Variants in SRGAP1 observed in about 807,000 individuals in gnomAD.
The protein encoded by SRGAP1 is SLIT-ROBO Rho GTPase-activating protein 1.
Under a neutral mutation model 121.9 loss-of-function variants are expected in SRGAP1, and 43 were observed. That is an observed-to-expected ratio of 0.35 (90% confidence interval 0.28 to 0.46). The LOEUF (loss-of-function observed/expected upper bound fraction) is 0.46. SRGAP1 is among the 20% of genes least tolerant of loss of function. The pLI, the probability that SRGAP1 is intolerant of heterozygous loss-of-function variation, is 1.00. For synonymous variants in SRGAP1, 447 were observed against 485.4 expected (o/e 0.92, Z 1.04); for missense variants, 1,102 against 1,350.9 (o/e 0.82, Z 2.89).
intron 1 of SRGAP1, among the ~76,000 whole-genome samples, chr12:63,982,190 G>C (rs1467399515): frequency 6.6e-6 from 1 of 151,036 alleles, no homozygotes; most frequent in Non-Finnish European, 1.5e-5. Context: ...CAGCCTGGGA[G>C]ACAGAGCAAG....
intron 1 of SRGAP1, among the ~76,000 whole-genome samples, chr12:63,977,818 A>C (rs1226098409): frequency 6.6e-6 from 1 of 152,194 alleles, no homozygotes; most frequent in African/African-American, 2.4e-5. Context: ...AAAAAAAAAC[A>C]GTAAATTTTA....
At chr12:63,921,571 A>G (rs1046405682) in intron 1 of SRGAP1, among the ~76,000 whole-genome samples, 1 of 152,222 alleles carries the variant, frequency 6.6e-6, no homozygotes, top group Non-Finnish European at 1.5e-5. Context: ...CTCAAATGAT[A>G]CTTCCTTGGA....
intron 21 of SRGAP1, among the ~76,000 whole-genome samples, chr12:64,132,558 CT>C (rs1467662398): frequency 6.6e-6 from 1 of 152,244 alleles, no homozygotes; most frequent in Non-Finnish European, 1.5e-5. Context: ...GCAACTTATC[CT>C]TCATCTTAGA....
At chr12:63,913,783 T>C (rs538189710) in intron 1 of SRGAP1, among the ~76,000 whole-genome samples, 2 of 152,168 alleles carry the variant, frequency 1.3e-5, no homozygotes, top group South Asian at 4.1e-4. Context: ...TTAGACCTTG[T>C]ATAGCAATTT....
intron 14 of SRGAP1, among the ~76,000 whole-genome samples, chr12:64,096,799 T>G: frequency 6.6e-6 from 1 of 152,194 alleles, no homozygotes; most frequent in Non-Finnish European, 1.5e-5. Context: ...CAGTGGCACC[T>G]ATGACATTTC....
chr12:63,971,670 C>CAT (rs907685052), intron 1 of SRGAP1, among the ~76,000 whole-genome samples: 1 of 152,110 alleles, frequency 6.6e-6, no homozygotes, highest in African/African-American at 2.4e-5. Context: ...AGAGAATTAA[C>CAT]ATATCTGACA....
At chr12:63,982,210 C>CAAAACAAAAACA (rs541767212) in intron 1 of SRGAP1, among the ~76,000 whole-genome samples, 2 of 139,614 alleles carry the variant, frequency 1.4e-5, no homozygotes, top group African/African-American at 5.4e-5. Flanking sequence ...GACTCCGTCT[C>CAAAACAAAAACA]AAAACAAAAA....
Position 63,844,744 on chromosome 12 carries a change from C to T in SRGAP1, c.-73C>T. On this transcript the variant is annotated 5_prime_UTR_variant, in exon 1 of 22. Coordinates refer to ENST00000355086, the MANE Select transcript of SRGAP1 (RefSeq NM_020762.4). The surrounding 1 kb of genome is among the most constrained non-coding windows in gnomAD (Gnocchi z 4.3). ...CCTGCGTGTGGGAGTACAACTCTGC[C>T]TCTCCAAGGAGAACGGGTTGTGACC... 6.8e-7 allele frequency: 1 copy of T among 1,475,810 alleles called. No homozygotes were observed. The allele number at this position is 1,475,810 out of a possible 1,614,324, so 91.4% of individuals were successfully genotyped here.
intron 4 of SRGAP1, among the ~76,000 whole-genome samples, chr12:64,033,417 C>T (rs2034826023): frequency 6.6e-6 from 1 of 152,132 alleles, no homozygotes; most frequent in African/African-American, 2.4e-5. Flanking sequence ...TCTATTTGCT[C>T]ATTCTAAAGA....
intron 4 of SRGAP1, among the ~76,000 whole-genome samples, chr12:64,030,556 T>C (rs1443780903): frequency 6.6e-6 from 1 of 152,266 alleles, no homozygotes; most frequent in African/African-American, 2.4e-5. Flanking sequence ...TTGTAATTTA[T>C]GTTAACATTT....
chr12:63,960,340 G>A (rs375227981), intron 1 of SRGAP1, among the ~76,000 whole-genome samples: 27 of 152,032 alleles, frequency 1.8e-4, no homozygotes, highest in African/African-American at 4.3e-4. Context: ...ATGTTTGTCC[G>A]TCCTTCTCCT....
chr12:64,159,483 AC>A lies in SRGAP1; in HGVS notation c.*16812del, dbSNP rs1194758638. On this transcript the variant is annotated 3_prime_UTR_variant, in exon 22 of 22. Coordinates refer to ENST00000355086, the MANE Select transcript of SRGAP1 (RefSeq NM_020762.4). ...TCCATCTCAACAAACAAACAAACAA[AC>A]AAACAGTAGCTGGTTGTGGTGGTGT... The A allele has an allele frequency of 6.4e-6, 1 of 156,080 alleles. No individual in the cohort carries two copies. Among genetic ancestry groups the A allele is most frequent in the Non-Finnish European group, 1.4e-5 (1 of 71,398 alleles). 9.7% of individuals were successfully genotyped at this position (156,080 alleles called of 1,614,324 possible).
Position 64,091,127 on chromosome 12 carries a change from T to C in SRGAP1, c.1437-149T>C, listed in dbSNP as rs2136583299. On this transcript the variant is annotated intron_variant, in intron 11 of 21. Transcript: ENST00000355086. ...TGATACAGAAGTGAAAGTAAATAAA[T>C]GGGAAATGGGAGGGAATGTTTTCCC... 6.7e-6 allele frequency: 3 copies of C among 450,170 alleles called. No individual in the cohort carries two copies. The East Asian group carries it at 1.0e-4, about 15-fold the overall frequency. 27.9% of individuals were successfully genotyped at this position (450,170 alleles called of 1,614,324 possible).
At chr12:64,124,091 A>G (rs1035497828) in intron 18 of SRGAP1, among the ~76,000 whole-genome samples, 6 of 152,016 alleles carry the variant, frequency 3.9e-5, no homozygotes, top group Non-Finnish European at 8.8e-5. Flanking sequence ...AAGAAGGGGC[A>G]TTTTTCTTTG....
intron 1 of SRGAP1, among the ~76,000 whole-genome samples, chr12:63,848,865 A>T (rs938161323): frequency 6.6e-6 from 1 of 152,140 alleles, no homozygotes; most frequent in Admixed American, 6.6e-5. Context: ...TCATAAGTTC[A>T]TGGACAGTGT....
At chr12:63,925,882 AT>A (rs2031243186) in intron 1 of SRGAP1, among the ~76,000 whole-genome samples, 1 of 152,124 alleles carries the variant, frequency 6.6e-6, no homozygotes, top group African/African-American at 2.4e-5. Context: ...TTAGGGCAGA[AT>A]TTGTATTATG....
chr12:63,906,055 C>T (rs908510528), intron 1 of SRGAP1, among the ~76,000 whole-genome samples: 3 of 152,142 alleles, frequency 2.0e-5, no homozygotes, highest in African/African-American at 7.2e-5. Context: ...CCCAATCCCA[C>T]CCCAACCCTA....
intron 1 of SRGAP1, among the ~76,000 whole-genome samples, chr12:63,971,749 GGGGTGTGTGTGT>G (rs551358857): frequency 5.3e-5 from 8 of 151,672 alleles, no homozygotes; most frequent in Non-Finnish European, 8.8e-5. Flanking sequence ...TGTGGGTATA[GGGGTGTGTGTGT>G]GGGTGTGTGT....
chr12:63,953,633 C>A (rs2032368248), intron 1 of SRGAP1, among the ~76,000 whole-genome samples: 1 of 151,900 alleles, frequency 6.6e-6, no homozygotes. Flanking sequence ...TCCCAAACTC[C>A]TAGTCTCAAA....
Sources: gnomAD v4.1 joint callset for allele counts (sites outside exome capture counted in the v4.1 genomes callset) on GRCh38, gnomAD v4.1.1 for gene constraint, Gnocchi (gnomAD v3.1) non-coding constraint, MANE v1.5 for transcripts, NCBI Gene and HGNC (gene_info 2026-07-23, HGNC 2026-07-21) for gene names.